SUGCT: variants seen among roughly 807,000 people sequenced by gnomAD.
SUGCT encodes the protein succinyl-CoA:glutarate-CoA transferase.
A neutral mutation model predicts 55.0 loss-of-function variants in SUGCT; 41 were observed. The ratio of observed to expected loss-of-function variants is 0.74; its 90% CI spans 0.58 to 0.97. SUGCT has a LOEUF of 0.97. Among genes scored for constraint, SUGCT ranks in the 50% least tolerant of loss-of-function variants. The probability of loss-of-function intolerance (pLI) is 0.00; values close to 1 mark genes in which losing one functional copy is unlikely to be tolerated. For missense variants in SUGCT, 568 were observed against 547.8 expected (o/e 1.04, Z -0.37); for synonymous variants, 187 against 200.4 (o/e 0.93, Z 0.56).
At chr7:40,246,745 C>T (rs113565231) in intron 7 of SUGCT, among the ~76,000 whole-genome samples, 7 of 152,028 alleles carry the variant, frequency 4.6e-5, no homozygotes, top group East Asian at 1.9e-4. Flanking sequence ...TGCAGGCACA[C>T]GCCACCATGC....
At chr7:40,336,738 C>G (rs1456981956) in intron 9 of SUGCT, among the ~76,000 whole-genome samples, 1 of 152,128 alleles carries the variant, frequency 6.6e-6, no homozygotes, top group African/African-American at 2.4e-5. Flanking sequence ...TTTTTTGTGT[C>G]TCTATCTCCT....
intron 6 of SUGCT, among the ~76,000 whole-genome samples, chr7:40,195,513 G>A (rs978111750): frequency 6.6e-6 from 1 of 151,340 alleles, no homozygotes; most frequent in African/African-American, 2.4e-5. Context: ...GAGCCACCAC[G>A]TCCGGCCTTG....
intron 6 of SUGCT, among the ~76,000 whole-genome samples, chr7:40,214,302 T>C (rs188103918): frequency 6.6e-6 from 1 of 152,324 alleles, no homozygotes; most frequent in African/African-American, 2.4e-5. Flanking sequence ...TGTAGTTGGA[T>C]AATGATAGCA....
chr7:40,158,389 T>C (rs1310038213), intron 1 of SUGCT, among the ~76,000 whole-genome samples: 3 of 152,238 alleles, frequency 2.0e-5, no homozygotes, highest in Non-Finnish European at 4.4e-5. Flanking sequence ...TGACAGATTA[T>C]TTCTATATGA....
chr7:40,469,170 C>G lies in SUGCT; in HGVS notation c.986+9972C>G, dbSNP rs557106754. ...ATATGATCACATTTTAAAATCTCTT[C>G]TGCCAACTTTTTTTTCTGACTTCTA... On this transcript the variant is annotated intron_variant, in intron 11 of 13. Transcript: ENST00000335693. 1.7e-3 allele frequency among the ~76,000 whole-genome samples: 258 copies of G among 152,286 alleles called. 3 individuals carry two copies. Among genetic ancestry groups the G allele is most frequent in the African/African-American group, 6.0e-3 (251 of 41,560 alleles).
the SUGCT span, among the ~76,000 whole-genome samples, chr7:40,934,950 T>C: frequency 1.6e-4 from 24 of 152,274 alleles, no homozygotes; most frequent in Non-Finnish European, 3.2e-4. Context: ...CCAGTCCCAG[T>C]GAGATGAACC....
chr7:41,013,767 T>TA, the SUGCT span, among the ~76,000 whole-genome samples: 8 of 151,696 alleles, frequency 5.3e-5, no homozygotes, highest in Non-Finnish European at 7.4e-5. Flanking sequence ...TTTTTTTTTT[T>TA]AAAGAAAAGA....
Position 40,358,716 on chromosome 7 carries a change from A to AC in SUGCT, c.816+41861_816+41862insC, listed in dbSNP as rs1562711067. ...GCAACAAGAGCAAAACTCCATCTCA[A>AC]AAACAACAACAACAATAACAACAAC... On this transcript the variant is annotated intron_variant, in intron 9 of 13. Transcript: ENST00000335693. 2.3e-4 allele frequency among the ~76,000 whole-genome samples: 30 copies of AC among 131,998 alleles called. No homozygotes were observed. The South Asian group carries it at 6.8e-3, about 30-fold the overall frequency. 86.6% of individuals were successfully genotyped at this position (131,998 alleles called of 152,430 possible).
intron 9 of SUGCT, among the ~76,000 whole-genome samples, chr7:40,328,924 T>A (rs559769033): frequency 6.6e-6 from 1 of 152,276 alleles, no homozygotes; most frequent in Admixed American, 6.5e-5. Flanking sequence ...AGGCCTGGCA[T>A]AGCTCCTCTT....
At chr7:40,574,194 C>G (rs1289512741) in intron 12 of SUGCT, among the ~76,000 whole-genome samples, 1 of 152,130 alleles carries the variant, frequency 6.6e-6, no homozygotes, top group Non-Finnish European at 1.5e-5. Context: ...CTGCTCCTCT[C>G]TCTACTCCAG....
intron 9 of SUGCT, among the ~76,000 whole-genome samples, chr7:40,384,550 C>T (rs1287252914): frequency 6.6e-6 from 1 of 151,782 alleles, no homozygotes; most frequent in Non-Finnish European, 1.5e-5. Flanking sequence ...CTCCCTTAGT[C>T]AGTAATTTTT....
chr7:40,548,186 CTTTT>C (rs1186226631), intron 12 of SUGCT, among the ~76,000 whole-genome samples: 2 of 105,008 alleles, frequency 1.9e-5, no homozygotes, highest in African/African-American at 3.8e-5. Flanking sequence ...TTCTTTCTTT[CTTTT>C]TTTTTTTTTT....
At position 40,189,524 on chromosome 7, in the gene SUGCT, A is replaced by T; in HGVS notation, c.313-20A>T. On this transcript the variant is annotated intron_variant, in intron 4 of 13. Coordinates refer to ENST00000335693, the MANE Select transcript of SUGCT (RefSeq NM_001193313.2). The stretch of plus-strand genomic sequence containing the variant: ...TTGGTCATCGAAATAATATATATAT[A>T]TATATTTTTTAATTTTTAGAGTATT... 1.1e-6 allele frequency: 1 copy of T among 914,280 alleles called. No homozygotes were observed. Among genetic ancestry groups the T allele is most frequent in the Non-Finnish European group, 1.5e-6 (1 of 679,222 alleles). The allele number at this position is 914,280 out of a possible 1,614,324, so 56.6% of individuals were successfully genotyped here.
intron 13 of SUGCT, among the ~76,000 whole-genome samples, chr7:40,852,045 C>T (rs1405306735): frequency 3.9e-5 from 6 of 152,160 alleles, no homozygotes; most frequent in African/African-American, 1.4e-4. Flanking sequence ...AAAACTCTTC[C>T]TTTAATTTCA....
intron 13 of SUGCT, among the ~76,000 whole-genome samples, chr7:40,765,773 C>T (rs1788755110): frequency 6.6e-6 from 1 of 152,096 alleles, no homozygotes; most frequent in African/African-American, 2.4e-5. Flanking sequence ...AGGAGATACT[C>T]ATATTTGAGC....
chr7:40,165,481 C>G (rs898573069), intron 1 of SUGCT, among the ~76,000 whole-genome samples: 4 of 152,056 alleles, frequency 2.6e-5, no homozygotes, highest in Non-Finnish European at 5.9e-5. Flanking sequence ...CATGGTTGAC[C>G]AGCTGTATCA....
At chr7:40,564,024 C>T (rs116698681) in intron 12 of SUGCT, among the ~76,000 whole-genome samples, 6 of 152,018 alleles carry the variant, frequency 3.9e-5, no homozygotes, top group Non-Finnish European at 7.4e-5. Context: ...GTAAACATAC[C>T]AAAACGTTTC....
intron 11 of SUGCT, among the ~76,000 whole-genome samples, chr7:40,461,511 T>A (rs974070883): frequency 6.6e-6 from 1 of 152,196 alleles, no homozygotes; most frequent in Non-Finnish European, 1.5e-5. Context: ...TTAGTCATGC[T>A]TCAAGGCCAG....
intron 8 of SUGCT, among the ~76,000 whole-genome samples, chr7:40,309,343 C>T (rs1795017866): frequency 6.6e-6 from 1 of 151,838 alleles, no homozygotes; most frequent in South Asian, 2.1e-4. Context: ...CATTCTGTTG[C>T]CCAGGCTATA....
Sources: allele counts gnomAD v4.1 joint callset (sites outside exome capture counted in the v4.1 genomes callset), GRCh38; gene constraint gnomAD v4.1.1; transcripts MANE v1.5; gene names NCBI Gene and HGNC (gene_info 2026-07-23, HGNC 2026-07-21).